Variants in CHDH observed in about 807,000 individuals in gnomAD.
The protein encoded by CHDH is choline dehydrogenase, also known as choline dehydrogenase, mitochondrial.
Under a neutral mutation model 56.9 loss-of-function variants are expected in CHDH, and 43 were observed. That is an observed-to-expected ratio of 0.76 (90% CI 0.59 to 0.97). The LOEUF (loss-of-function observed/expected upper bound fraction) is 0.97. Ranked by LOEUF, CHDH falls within the 50% of genes least tolerant of loss-of-function variation. The probability of loss-of-function intolerance (pLI) is 0.00; values close to 1 mark genes in which losing one functional copy is unlikely to be tolerated. For synonymous variants in CHDH, 364 were observed against 348.5 expected (o/e 1.04, Z -0.50); for missense variants, 816 against 821.1 (o/e 0.99, Z 0.08).
Position 53,819,027 on chromosome 3 carries a change from G to C in CHDH, c.1277C>G (p.Pro426Arg). Residue 426 changes from proline to arginine, a missense_variant, in exon 8 of 9, where the codon CCC (proline) becomes CGC (arginine). Physicochemically the swap from Pro to Arg is moderately radical, Grantham distance 103. Coordinates refer to ENST00000315251, the MANE Select transcript of CHDH (RefSeq NM_018397.5). This position sits in a 1 kb window ranked among gnomAD's most constrained non-coding sequence, Gnocchi z 5.4. ...QQEAYQVHVG[P>R]MRGTSVGWLK... is the part of the protein sequence containing the mutation. ...CCAGCCCACACTCGTGCCCCGCATG[G>C]GCCCCACATGTACCTAGAAGAACAC... is the stretch of plus-strand genomic sequence containing the variant. 6.2e-7 allele frequency: 1 copy of C among 1,611,792 alleles called. No homozygotes were observed. The highest frequency in any genetic ancestry group is 8.5e-7 in the Non-Finnish European group (1 of 1,178,064).
In CHDH at chr3:53,819,295, CCT is replaced by C. The variant is rs1348558493; in HGVS notation, c.1263+235_1263+236del. On this transcript the variant is annotated intron_variant, in intron 7 of 8. Coordinates refer to ENST00000315251, the MANE Select transcript of CHDH (RefSeq NM_018397.5). The surrounding 1 kb of genome is among the most constrained non-coding windows in gnomAD (Gnocchi z 5.4). ...TGGTGATCCCAGAGCCAAGTCAGCCCCTCTGTTTGTCCCATTTCTGGTGCTCG... is the reference window on the plus strand; with the variant it reads ...TGGTGATCCCAGAGCCAAGTCAGCCCCTGTTTGTCCCATTTCTGGTGCTCG... Among the ~76,000 whole-genome samples the C allele has an allele frequency of 6.6e-6, 1 of 152,146 alleles. No homozygotes were observed. Among genetic ancestry groups the C allele is most frequent in the African/African-American group, 2.4e-5 (1 of 41,414 alleles).
At chr3:53,823,180 T>C in intron 3 of CHDH, 126 bp downstream of exon 3, 2 of 858,266 alleles carry the variant, frequency 2.3e-6, no homozygotes, top group Non-Finnish European at 3.4e-6. Flanking sequence ...TTCCCGGTCG[T>C]GCCAGCCTCA....
intron 5 of CHDH, 96 bp from the exon 6 acceptor site, chr3:53,820,704 T>C: frequency 6.9e-7 from 1 of 1,457,152 alleles, no homozygotes; most frequent in Non-Finnish European, 9.3e-7. Flanking sequence ...TCCTATTCCC[T>C]TATCTTCTGG....
chr3:53,823,191 G>T, intron 3 of CHDH, 115 bp downstream of exon 3: 1 of 975,136 alleles, frequency 1.0e-6, no homozygotes, highest in South Asian at 1.8e-5. Flanking sequence ...GCCAGCCTCA[G>T]TCTGCCCATG....
chr3:53,846,170 T>C lies in CHDH; in HGVS notation c.-218A>G, dbSNP rs1698876443. On this transcript the variant is annotated 5_prime_UTR_variant, in exon 1 of 9. Transcript: ENST00000315251. ...GCCCGGCCCCTGCCCCGCGGCACTT[T>C]AACCGGCGGCGCCGGCGCCCCGCGC... 1 of 161,156 alleles carries C rather than the reference T, an allele frequency of 6.2e-6. No homozygotes were observed. The highest frequency in any genetic ancestry group is 2.0e-4 in the South Asian group (1 of 4,934). 10.0% of individuals were successfully genotyped at this position (161,156 alleles called of 1,614,324 possible).
rs2095612971 is a variant in CHDH at position 53,814,783 on chromosome 3, C to G, written c.*2994G>C. ...CAAGCGATTCTCCTGTATCGGCCTC[C>G]CAAGTAGCTGGGACTACAGGCGTGC... is the stretch of plus-strand genomic sequence containing the variant. On this transcript the variant is annotated 3_prime_UTR_variant, in exon 9 of 9. Coordinates refer to ENST00000315251, the MANE Select transcript of CHDH (RefSeq NM_018397.5). The G allele has an allele frequency of 6.6e-6, 1 of 152,120 alleles. No homozygotes were observed. Among genetic ancestry groups the G allele is most frequent in the Non-Finnish European group, 1.5e-5 (1 of 68,074 alleles). 9.4% of individuals were successfully genotyped at this position (152,120 alleles called of 1,614,324 possible).
intron 4 of CHDH, 26 bp downstream of exon 4, chr3:53,822,465 C>T (rs1294428583): frequency 6.3e-7 from 1 of 1,591,314 alleles, no homozygotes; most frequent in South Asian, 1.1e-5. Flanking sequence ...CCCCTTCTTC[C>T]AGGACCCCAG....
intron 2 of CHDH, among the ~76,000 whole-genome samples, chr3:53,827,301 ATGTAAGAC>A: frequency 6.6e-6 from 1 of 152,114 alleles, no homozygotes; most frequent in Non-Finnish European, 1.5e-5. Flanking sequence ...TGCTCCAGCC[ATGTAAGAC>A]ATGCCTGCTT....
chr3:53,821,215 C>CAA (rs371668738), intron 5 of CHDH, among the ~76,000 whole-genome samples: 83 of 152,376 alleles, frequency 5.4e-4, no homozygotes, highest in African/African-American at 1.8e-3. Flanking sequence ...GTTTATAAAA[C>CAA]AAAGTTTACA....
intron 2 of CHDH, 70 bp from the exon 3 acceptor site, chr3:53,824,137 C>A (rs2276838): frequency 1.1e-6 from 1 of 892,062 alleles, no homozygotes; most frequent in African/African-American, 1.8e-5. Flanking sequence ...AACGGCCTGC[C>A]GGGACAGGGT....
Position 53,815,357 on chromosome 3 carries a change from G to A in CHDH, c.*2420C>T, listed in dbSNP as rs1045655754. On this transcript the variant is annotated 3_prime_UTR_variant, in exon 9 of 9. Transcript: ENST00000315251. ...CTCTGTGCACCCCACTTTGTAGCAA[G>A]TGCCTTTCTCCCCCATGCTGGCTTC... 1.3e-5 allele frequency: 2 copies of A among 152,236 alleles called. No homozygotes were observed. The highest frequency in any genetic ancestry group is 6.5e-5 in the Admixed American group (1 of 15,288). 9.4% of individuals were successfully genotyped at this position (152,236 alleles called of 1,614,324 possible).
chr3:53,827,947 G>A (rs941987744), intron 2 of CHDH, among the ~76,000 whole-genome samples: 7 of 152,108 alleles, frequency 4.6e-5, no homozygotes, highest in Non-Finnish European at 8.8e-5. Flanking sequence ...TGAAAGTGAA[G>A]CGCAAAATTG....
At position 53,813,341 on chromosome 3, in the gene CHDH, C is replaced by T. The variant is rs1428890930; in HGVS notation, c.*4436G>A. Reference sequence around the variant, plus strand: ...AATAATTTTTATACTTGGGAGTGCTCCTTGCACAGAGCTGTCATTTGCCAG... The same window carrying T: ...AATAATTTTTATACTTGGGAGTGCTTCTTGCACAGAGCTGTCATTTGCCAG... On this transcript the variant is annotated 3_prime_UTR_variant, in exon 9 of 9. Coordinates refer to ENST00000315251, the MANE Select transcript of CHDH (RefSeq NM_018397.5). 1.3e-5 allele frequency: 2 copies of T among 152,130 alleles called. No individual in the cohort carries two copies. The highest frequency in any genetic ancestry group is 4.8e-5 in the African/African-American group (2 of 41,430). 9.4% of individuals were successfully genotyped at this position (152,130 alleles called of 1,614,324 possible).
chr3:53,822,305 G>A (rs1214151501), intron 4 of CHDH, among the ~76,000 whole-genome samples, 186 bp downstream of exon 4: 1 of 152,020 alleles, frequency 6.6e-6, no homozygotes, highest in African/African-American at 2.4e-5. Context: ...CTTTCTCGGT[G>A]GCAGGACTAG....
chr3:53,834,616 T>C lies in CHDH; in HGVS notation c.-60+6313A>G, dbSNP rs114786742. Among the ~76,000 whole-genome samples, 1,364 of 152,340 alleles carry C rather than the reference T, an allele frequency of 9.0e-3. 15 individuals carry two copies. The highest frequency in any genetic ancestry group is 0.031 in the African/African-American group (1,287 of 41,562). ...GTAGAGTGAAGTTGCAAAAGGATCATGCCCAGAAGAAGATGCTTACGCACC... is the reference window on the plus strand; with the variant it reads ...GTAGAGTGAAGTTGCAAAAGGATCACGCCCAGAAGAAGATGCTTACGCACC... On this transcript the variant is annotated intron_variant, in intron 2 of 8. Coordinates refer to ENST00000315251, the MANE Select transcript of CHDH (RefSeq NM_018397.5).
chr3:53,843,682 GC>G lies in CHDH; in HGVS notation c.-131+2400del, dbSNP rs540680135. On this transcript the variant is annotated intron_variant, in intron 1 of 8. Transcript: ENST00000315251. ...GCATTTAATGAGCACCCCCTACAAA[GC>G]CCCCCCGGACAGGAAGGCACACTGG... Among the ~76,000 whole-genome samples, 652 of 151,898 alleles carry G rather than the reference GC, an allele frequency of 4.3e-3. 4 individuals are homozygous for G. Among genetic ancestry groups the G allele is most frequent in the African/African-American group, 0.015 (629 of 41,390 alleles).
At chr3:53,834,022 G>C (rs1266547695) in intron 2 of CHDH, among the ~76,000 whole-genome samples, 2 of 152,014 alleles carry the variant, frequency 1.3e-5, no homozygotes, top group East Asian at 3.9e-4. Context: ...GGCCACAGTG[G>C]GTGGATCAAG....
At position 53,825,897 on chromosome 3, in the gene CHDH, A is replaced by G. The variant is rs9872403; in HGVS notation, c.-59-1830T>C. Among the ~76,000 whole-genome samples, 978 of 152,288 alleles carry G rather than the reference A, an allele frequency of 6.4e-3. 8 individuals carry two copies. The highest frequency in any genetic ancestry group is 0.022 in the African/African-American group (930 of 41,576). On this transcript the variant is annotated intron_variant, in intron 2 of 8. Coordinates refer to ENST00000315251, the MANE Select transcript of CHDH (RefSeq NM_018397.5). ...CAGTAAAATTCTCAGAAAACATGCAATCCAGAAGATAATGGAGTGACAACT... is the reference window on the plus strand; with the variant it reads ...CAGTAAAATTCTCAGAAAACATGCAGTCCAGAAGATAATGGAGTGACAACT...
rs202031062 is a variant in CHDH, at chr3:53,816,131, A to ACCCCCCCCCCCCCCCCCCCCCC, written c.*1645_*1646insGGGGGGGGGGGGGGGGGGGGGG. The ACCCCCCCCCCCCCCCCCCCCCC allele has an allele frequency of 2.3e-5, 2 of 86,966 alleles. No homozygotes were observed. The highest frequency in any genetic ancestry group is 7.0e-5 in the African/African-American group (1 of 14,280). 5.4% of individuals were successfully genotyped at this position (86,966 alleles called of 1,614,324 possible). Reference sequence around the variant, plus strand: ...CAGAAAACTAACTTGTGGCTGTCGGACGCCCCCCCCCCCCGCCCCAGTCTG... The same window carrying ACCCCCCCCCCCCCCCCCCCCCC: ...CAGAAAACTAACTTGTGGCTGTCGGACCCCCCCCCCCCCCCCCCCCCCCGCCCCCCCCCCCCGCCCCAGTCTG... On this transcript the variant is annotated 3_prime_UTR_variant, in exon 9 of 9. Transcript: ENST00000315251.
Sources: gnomAD v4.1 joint callset for allele counts (sites outside exome capture counted in the v4.1 genomes callset) on GRCh38, gnomAD v4.1.1 for gene constraint, Gnocchi (gnomAD v3.1) non-coding constraint, MANE v1.5 for transcripts, NCBI Gene and HGNC (gene_info 2026-07-23, HGNC 2026-07-21) for gene names.